The following ALK variants were observed in gnomAD, a reference collection of about 807,000 sequenced individuals.
ALK encodes the protein ALK tyrosine kinase receptor.
Under a neutral mutation model 163.1 loss-of-function variants are expected in ALK, and 74 were observed. The observed-to-expected ratio is 0.45, with a 90% CI of 0.38 to 0.55. ALK has a LOEUF of 0.55. ALK is among the 20% of genes least tolerant of loss of function. The pLI, the probability that ALK is intolerant of heterozygous loss-of-function variation, is 0.00. For synonymous variants in ALK, 960 were observed against 843.2 expected, an observed-to-expected ratio of 1.14 and a Z score of -2.40; for missense variants, 2,063 against 2,105.3, an observed-to-expected ratio of 0.98 and a Z score of 0.39.
At chr2:29,915,888 A>C (rs1464366154) in intron 1 of ALK, among the ~76,000 whole-genome samples, 1 of 152,214 alleles carries the variant, frequency 6.6e-6, no homozygotes, top group Non-Finnish European at 1.5e-5. Flanking sequence ...GTTTAATTGG[A>C]GGGCAGGGAA....
At chr2:29,456,962 G>A (rs374998020) in intron 4 of ALK, among the ~76,000 whole-genome samples, 20 of 152,210 alleles carry the variant, frequency 1.3e-4, no homozygotes, top group African/African-American at 4.8e-4. Flanking sequence ...AAAATAGAAC[G>A]ACATTTCTAC....
Position 29,383,869 on chromosome 2 carries a change from T to C in ALK, c.1155-10A>G, listed in dbSNP as rs373017069. Reference sequence around the variant, plus strand: ...CTGGAGCACTGTCCAACTGGTTGCATTGGAAAACAGAGGAGAAAAGCATAG... The same window carrying C: ...CTGGAGCACTGTCCAACTGGTTGCACTGGAAAACAGAGGAGAAAAGCATAG... On this transcript the variant is annotated splice_polypyrimidine_tract_variant and intron_variant, in intron 4 of 28. Transcript: ENST00000389048. 5 of 1,613,732 alleles carry C rather than the reference T, an allele frequency of 3.1e-6. No homozygotes were observed. Among genetic ancestry groups the C allele is most frequent in the South Asian group, 1.1e-5 (1 of 91,074 alleles).
rs539623367 is a variant in ALK at position 29,803,622 on chromosome 2, C to T, written c.668-85925G>A. On this transcript the variant is annotated intron_variant, in intron 1 of 28. Coordinates refer to ENST00000389048, the MANE Select transcript of ALK (RefSeq NM_004304.5). ...GCTCTATGTTTCATCCAATCCATCA[C>T]ATGGCAATTGTCTTTTTATCCTACT... is the stretch of plus-strand genomic sequence containing the variant. 1.1e-4 allele frequency among the ~76,000 whole-genome samples: 17 copies of T among 152,336 alleles called. No homozygotes were observed. The East Asian group carries it at 3.3e-3, about 29-fold the overall frequency.
chr2:29,875,944 C>T (rs1364914015), intron 1 of ALK, among the ~76,000 whole-genome samples: 1 of 152,090 alleles, frequency 6.6e-6, no homozygotes, highest in African/African-American at 2.4e-5. Context: ...GGGTATCTAC[C>T]CAGTAATGGG....
chr2:29,306,464 C>A (rs1156632431), intron 8 of ALK, among the ~76,000 whole-genome samples: 2 of 152,220 alleles, frequency 1.3e-5, no homozygotes, highest in African/African-American at 2.4e-5. Flanking sequence ...GTCTTTGGAT[C>A]AGCAATGTGG....
At chr2:29,460,814 G>T (rs557586940) in intron 4 of ALK, among the ~76,000 whole-genome samples, 1 of 152,252 alleles carries the variant, frequency 6.6e-6, no homozygotes, top group East Asian at 1.9e-4. Flanking sequence ...GTGAAAGGAA[G>T]CGTCATATGT....
intron 3 of ALK, among the ~76,000 whole-genome samples, chr2:29,659,373 C>T (rs990114880): frequency 2.0e-5 from 3 of 152,236 alleles, no homozygotes; most frequent in Non-Finnish European, 4.4e-5. Flanking sequence ...TCACTACACC[C>T]AGGAGTGGGC....
chr2:29,365,942 G>T (rs570259973), intron 5 of ALK, among the ~76,000 whole-genome samples: 2 of 152,120 alleles, frequency 1.3e-5, no homozygotes, highest in Non-Finnish European at 2.9e-5. Context: ...ATCGCCTGAG[G>T]TTTCTTTTTC....
intron 1 of ALK, among the ~76,000 whole-genome samples, chr2:29,844,217 G>A (rs1030610581): frequency 6.6e-6 from 1 of 152,146 alleles, no homozygotes; most frequent in African/African-American, 2.4e-5. Context: ...AACAACGCAT[G>A]CATATGCCTT....
intron 4 of ALK, among the ~76,000 whole-genome samples, chr2:29,496,285 G>T (rs1257228845): frequency 1.3e-5 from 2 of 152,154 alleles, no homozygotes; most frequent in African/African-American, 2.4e-5. Flanking sequence ...AAATGTTAAG[G>T]TCTTATAAAA....
At chr2:29,363,645 C>A (rs1369060519) in intron 5 of ALK, among the ~76,000 whole-genome samples, 1 of 152,200 alleles carries the variant, frequency 6.6e-6, no homozygotes, top group African/African-American at 2.4e-5. Context: ...GGAATAGTAC[C>A]TTTTAATCTT....
intron 9 of ALK, among the ~76,000 whole-genome samples, chr2:29,281,001 A>T (rs967151687): frequency 6.6e-6 from 1 of 150,858 alleles, no homozygotes; most frequent in Non-Finnish European, 1.5e-5. Context: ...GTACCAGGTG[A>T]TCCATTCTGG....
At chr2:29,887,254 G>A (rs184252532) in intron 1 of ALK, among the ~76,000 whole-genome samples, 53 of 152,322 alleles carry the variant, frequency 3.5e-4, no homozygotes, top group African/African-American at 1.2e-3. Flanking sequence ...AGCTGGTCTT[G>A]AGGGCACAGG....
chr2:29,320,646 C>A lies in ALK; in HGVS notation c.1546+105G>T. 2.0e-6 allele frequency: 3 copies of A among 1,532,858 alleles called. No homozygotes were observed. The East Asian group carries it at 6.8e-5, about 34-fold the overall frequency. The allele number at this position is 1,532,858 out of a possible 1,614,324, so 95.0% of individuals were successfully genotyped here. On this transcript the variant is annotated intron_variant, in intron 7 of 28. Coordinates refer to ENST00000389048, the MANE Select transcript of ALK (RefSeq NM_004304.5). ...GCTCTAGGCAAGCTTTGGTCAGACACCCGAGCTTGCCCTGCAGGTGGGGTG... is the reference window on the plus strand; with the variant it reads ...GCTCTAGGCAAGCTTTGGTCAGACAACCGAGCTTGCCCTGCAGGTGGGGTG...
chr2:29,389,715 C>T (rs1391741600), intron 4 of ALK, among the ~76,000 whole-genome samples: 4 of 152,186 alleles, frequency 2.6e-5, no homozygotes, highest in South Asian at 2.1e-4. Context: ...TCCAAACGTT[C>T]GTGTCAATTC....
intron 1 of ALK, among the ~76,000 whole-genome samples, chr2:29,816,610 C>G (rs1664904742): frequency 1.3e-5 from 2 of 152,188 alleles, no homozygotes; most frequent in South Asian, 4.1e-4. Flanking sequence ...AATAACAGCT[C>G]TGAGTTCCAA....
chr2:29,842,387 A>T (rs905330084), intron 1 of ALK, among the ~76,000 whole-genome samples: 1 of 152,158 alleles, frequency 6.6e-6, no homozygotes, highest in Admixed American at 6.5e-5. Context: ...CTGGACGAAG[A>T]ATCTGAATCT....
chr2:29,617,268 C>G (rs1193222087), intron 3 of ALK, among the ~76,000 whole-genome samples: 1 of 152,208 alleles, frequency 6.6e-6, no homozygotes, highest in East Asian at 1.9e-4. Context: ...GACACAGAAG[C>G]CTCTGCTCTT....
At chr2:29,388,870 C>T (rs141580220) in intron 4 of ALK, among the ~76,000 whole-genome samples, 278 of 152,268 alleles carry the variant, frequency 1.8e-3, no homozygotes, top group Admixed American at 3.7e-3. Flanking sequence ...CATCTTTATA[C>T]GTTAAATACA....
Sources: gnomAD v4.1 joint callset for allele counts (sites outside exome capture counted in the v4.1 genomes callset) on GRCh38, gnomAD v4.1.1 for gene constraint, MANE v1.5 for transcripts, NCBI Gene and HGNC (gene_info 2026-07-23, HGNC 2026-07-21) for gene names.